The following MORC1 variants were observed in gnomAD, a reference collection of about 807,000 sequenced individuals.
MORC1 encodes the protein MORC family CW-type zinc finger 1, also known as MORC family CW-type zinc finger protein 1.
In MORC1, 59 loss-of-function variants were observed where a neutral mutation model predicts 134.9. That is an observed-to-expected ratio of 0.44 (90% CI 0.35 to 0.54). The LOEUF (loss-of-function observed/expected upper bound fraction) is 0.54, where lower values mean the gene tolerates loss of function less well. Among genes scored for constraint, MORC1 ranks in the 20% least tolerant of loss-of-function variants. The pLI, the probability that MORC1 is intolerant of heterozygous loss-of-function variation, is 0.00. For synonymous variants in MORC1, 395 were observed against 391.7 expected (o/e 1.01, Z -0.10); for missense variants, 947 against 1,134.5 (o/e 0.83, Z 2.37).
chr3:109,095,737 C>T (rs373696232), intron 6 of MORC1, among the ~76,000 whole-genome samples: 1 of 152,082 alleles, frequency 6.6e-6, no homozygotes, highest in East Asian at 1.9e-4. Flanking sequence ...CAGAAGCTGA[C>T]AGGTAGGTCT....
chr3:109,112,020 G>A (rs1164888074), intron 2 of MORC1, among the ~76,000 whole-genome samples: 2 of 152,040 alleles, frequency 1.3e-5, no homozygotes, highest in Non-Finnish European at 2.9e-5. Context: ...TAACACATAG[G>A]TATCAATATC....
At chr3:109,014,060 C>A (rs1439744051) in intron 17 of MORC1, among the ~76,000 whole-genome samples, 2 of 152,182 alleles carry the variant, frequency 1.3e-5, no homozygotes, top group African/African-American at 4.8e-5. Context: ...TATAGTATCA[C>A]AAAAGAGACT....
At position 109,007,072 on chromosome 3, in the gene MORC1, T is replaced by C; in HGVS notation, c.1724A>G (p.Asp575Gly). 6.2e-7 allele frequency: 1 copy of C among 1,612,094 alleles called. No homozygotes were observed. The highest frequency in any genetic ancestry group is 8.5e-7 in the Non-Finnish European group (1 of 1,179,102). ...QQPQPQFIPV[D>G]EITVTSTCLT... ...GCAGGTGGAAGTGACAGTGATTTCGTCCACTGGTATAAATTGAGGCTTTAT... is the reference window on the plus strand; with the variant it reads ...GCAGGTGGAAGTGACAGTGATTTCGCCCACTGGTATAAATTGAGGCTTTAT... Residue 575 changes from aspartate to glycine, a missense_variant, in exon 18 of 28, where the codon GAC becomes GGC. Physicochemically the swap from Asp to Gly is moderately conservative, Grantham distance 94. Coordinates refer to ENST00000232603, the MANE Select transcript of MORC1 (RefSeq NM_014429.4).
intron 8 of MORC1, among the ~76,000 whole-genome samples, chr3:109,080,507 C>T (rs558652739): frequency 6.6e-6 from 1 of 152,130 alleles, no homozygotes; most frequent in Non-Finnish European, 1.5e-5. Context: ...TAAACTGAAC[C>T]CAGACAGTCC....
intron 8 of MORC1, among the ~76,000 whole-genome samples, chr3:109,084,564 A>T (rs1950582429): frequency 6.6e-6 from 1 of 152,150 alleles, no homozygotes; most frequent in Admixed American, 6.6e-5. Context: ...AATGTTGTTA[A>T]ATATTAAATA....
chr3:109,057,033 T>C (rs1949977927), intron 13 of MORC1, among the ~76,000 whole-genome samples: 1 of 152,256 alleles, frequency 6.6e-6, no homozygotes. Flanking sequence ...TAAGCTCGTA[T>C]TATTTTTAAA....
intron 17 of MORC1, among the ~76,000 whole-genome samples, chr3:109,012,433 C>T (rs566395699): frequency 3.3e-5 from 5 of 152,162 alleles, no homozygotes; most frequent in Non-Finnish European, 7.4e-5. Context: ...TCTTTGCATG[C>T]CATATAAATT....
chr3:108,959,302 G>A (rs1559853793), intron 27 of MORC1, among the ~76,000 whole-genome samples, 182 bp from the exon 28 acceptor site: 2 of 152,268 alleles, frequency 1.3e-5, no homozygotes, highest in Non-Finnish European at 2.9e-5. Flanking sequence ...ATGCTAACAA[G>A]CGGTTAGAAA....
At chr3:108,964,855 G>C (rs916880533) in intron 26 of MORC1, among the ~76,000 whole-genome samples, 3 of 152,134 alleles carry the variant, frequency 2.0e-5, no homozygotes, top group African/African-American at 7.2e-5. Context: ...CACAGCAAGG[G>C]AATTTCAAAC....
intron 21 of MORC1, among the ~76,000 whole-genome samples, chr3:108,995,974 T>C (rs750355410): frequency 5.3e-5 from 8 of 152,124 alleles, no homozygotes; most frequent in Non-Finnish European, 1.0e-4. Context: ...ATTGAATTCA[T>C]GTAGGGGACA....
chr3:109,078,907 G>T (rs1473243602), intron 8 of MORC1, among the ~76,000 whole-genome samples: 1 of 151,798 alleles, frequency 6.6e-6, no homozygotes, highest in Non-Finnish European at 1.5e-5. Flanking sequence ...GTTTTTATAA[G>T]AAATTATAAA....
Position 109,062,029 on chromosome 3 carries a change from T to C in MORC1, c.925A>G (p.Lys309Glu), listed in dbSNP as rs1275217051. ...GAGGTTCTGTCACACTGGTTTACTT[T>C]GATTTGTGCTTCTTTCAATATGGAT... ...AESILKEAQI[K>E]VNQCDRTSLS... Residue 309 changes from lysine (K) to glutamate (E), a missense_variant, in exon 11 of 28, where the codon AAA becomes GAA. Coordinates refer to ENST00000232603, the MANE Select transcript of MORC1 (RefSeq NM_014429.4). The C allele has an allele frequency of 6.2e-7, 1 of 1,614,122 alleles. No homozygotes were observed. The highest frequency in any genetic ancestry group is 1.7e-5 in the Admixed American group (1 of 60,026).
chr3:108,977,658 T>C (rs1279830910), intron 24 of MORC1, among the ~76,000 whole-genome samples: 2 of 152,208 alleles, frequency 1.3e-5, no homozygotes, highest in South Asian at 2.1e-4. Flanking sequence ...ATTTACTGTA[T>C]ACTACTATGC....
At chr3:108,996,732 C>T (rs983657033) in intron 21 of MORC1, among the ~76,000 whole-genome samples, 14 of 151,978 alleles carry the variant, frequency 9.2e-5, no homozygotes, top group Middle Eastern at 3.2e-3. Context: ...AAAATGCGGC[C>T]GGGAGTAGTG....
At chr3:108,984,057 T>C (rs1037437977) in intron 23 of MORC1, among the ~76,000 whole-genome samples, 2 of 152,074 alleles carry the variant, frequency 1.3e-5, no homozygotes, top group African/African-American at 4.8e-5. Context: ...AGTGCTGGAT[T>C]GACTCACTAC....
At chr3:109,113,146 G>A (rs1412764004) in intron 2 of MORC1, among the ~76,000 whole-genome samples, 2 of 152,214 alleles carry the variant, frequency 1.3e-5, no homozygotes, top group African/African-American at 4.8e-5. Flanking sequence ...GACATAGGAG[G>A]AGCCTTGCTT....
intron 14 of MORC1, among the ~76,000 whole-genome samples, chr3:109,039,649 C>A (rs1264817455): frequency 1.3e-5 from 2 of 152,164 alleles, no homozygotes; most frequent in Non-Finnish European, 2.9e-5. Flanking sequence ...GCTACCCATC[C>A]TACACTCCAT....
Position 108,963,435 on chromosome 3 carries a change from T to C in MORC1, c.2778A>G (p.Leu926=), listed in dbSNP as rs909104176. The C allele has an allele frequency of 6.2e-7, 1 of 1,611,308 alleles. No individual in the cohort carries two copies. Among genetic ancestry groups the C allele is most frequent in the African/African-American group, 1.3e-5 (1 of 74,708 alleles). The change falls in exon 27 of 28, where the codon CTA becomes CTG. Residue 926 remains leucine (L), a synonymous_variant. Transcript: ENST00000232603. ...TCACCAGTTGGAGTTTCTGCAACAA[T>C]AGTGCCAGTTTTATACGAAGATTCT... ...KLKNLRIKLA[L]LLQKLQLGGP...
At chr3:108,994,497 G>T (rs181928286) in intron 21 of MORC1, among the ~76,000 whole-genome samples, 5 of 152,058 alleles carry the variant, frequency 3.3e-5, no homozygotes, top group South Asian at 4.2e-4. Context: ...TAGCAAATCT[G>T]GGTTTGCCTC....
Sources: allele counts gnomAD v4.1 joint callset (sites outside exome capture counted in the v4.1 genomes callset), GRCh38; gene constraint gnomAD v4.1.1; transcripts MANE v1.5; gene names NCBI Gene and HGNC (gene_info 2026-07-23, HGNC 2026-07-21).